Variants in PEAK1 observed in about 807,000 individuals in gnomAD.
PEAK1 encodes the protein inactive tyrosine-protein kinase PEAK1.
PEAK1 carries 54 observed loss-of-function variants against 124.7 expected under a neutral mutation model. The observed-to-expected ratio is 0.43, with a 90% CI of 0.35 to 0.54. PEAK1 has a LOEUF of 0.54. PEAK1 is among the 20% of genes least tolerant of loss of function. PEAK1 has a pLI of 0.01. For missense variants in PEAK1, 2,046 were observed against 2,134.5 expected (o/e 0.96, Z 0.82); for synonymous variants, 719 against 760.0 (o/e 0.95, Z 0.89).
chr15:77,126,555 G>C (rs1194352341), intron 9 of PEAK1, among the ~76,000 whole-genome samples: 1 of 152,084 alleles, frequency 6.6e-6, no homozygotes, highest in African/African-American at 2.4e-5. Flanking sequence ...ATGTTGAGCA[G>C]CAATTTTCCA....
At chr15:77,211,077 AAAGT>A (rs2058882006) in intron 6 of PEAK1, among the ~76,000 whole-genome samples, 1 of 152,202 alleles carries the variant, frequency 6.6e-6, no homozygotes. Flanking sequence ...TTTTGTAAAG[AAAGT>A]TTTATTAAAA....
rs1387122243 is a variant in PEAK1, at chr15:77,208,439, T to G, written c.-114-26399A>C. Among the ~76,000 whole-genome samples the G allele has an allele frequency of 2.0e-5, 3 of 152,178 alleles. No individual in the cohort carries two copies. In the East Asian group the frequency reaches 5.8e-4, roughly 29 times the overall value. On this transcript the variant is annotated intron_variant, in intron 6 of 9. Transcript: ENST00000682557. ...TCCTCTCTGTACTTGACCACTCCCT[T>G]GTCTAGAGTCACTAGTATCTTTGGG...
chr15:77,248,981 G>C (rs977606214), intron 6 of PEAK1, among the ~76,000 whole-genome samples: 1 of 151,902 alleles, frequency 6.6e-6, no homozygotes, highest in African/African-American at 2.4e-5. Flanking sequence ...CACCACTTTC[G>C]GCTAAGTTTT....
intron 8 of PEAK1, among the ~76,000 whole-genome samples, chr15:77,143,733 T>G (rs1351874515): frequency 6.6e-6 from 1 of 152,214 alleles, no homozygotes; most frequent in Non-Finnish European, 1.5e-5. Flanking sequence ...TGACCTTTCT[T>G]GGGCCCTCAG....
intron 2 of PEAK1, among the ~76,000 whole-genome samples, chr15:77,355,082 AG>A (rs2067437073): frequency 1.3e-5 from 2 of 152,066 alleles, no homozygotes; most frequent in Non-Finnish European, 2.9e-5. Context: ...CAAATCTGGC[AG>A]GCAAGTGAAA....
rs542503717 is a variant in PEAK1, at chr15:77,263,225, C to T, written c.-274-10699G>A. ...AAGCAAGAGGAAACACATTCAAAAG[C>T]TAGTAGAAGGCAAGAAATAACTAAG... is the stretch of plus-strand genomic sequence containing the variant. On this transcript the variant is annotated intron_variant, in intron 5 of 9. Coordinates refer to ENST00000682557, the MANE Select transcript of PEAK1 (RefSeq NM_001385026.1). 6.6e-5 allele frequency among the ~76,000 whole-genome samples: 10 copies of T among 152,046 alleles called. No individual in the cohort carries two copies. In the East Asian group the frequency reaches 1.9e-3, roughly 29 times the overall value.
chr15:77,117,552 G>C (rs77952682), intron 9 of PEAK1, among the ~76,000 whole-genome samples: 5 of 152,072 alleles, frequency 3.3e-5, no homozygotes, highest in Admixed American at 2.0e-4. Flanking sequence ...CAGAAAAATA[G>C]ATCTTTATTT....
chr15:77,328,062 A>G (rs1430035297), intron 2 of PEAK1, among the ~76,000 whole-genome samples: 1 of 152,138 alleles, frequency 6.6e-6, no homozygotes, highest in Non-Finnish European at 1.5e-5. Flanking sequence ...CTCTGATCTG[A>G]TAATGGATCC....
chr15:77,151,740 T>G (rs899512746), intron 8 of PEAK1, among the ~76,000 whole-genome samples: 2 of 152,226 alleles, frequency 1.3e-5, no homozygotes, highest in Non-Finnish European at 2.9e-5. Context: ...GCTAGCCAGT[T>G]TTCCCAGCAC....
At chr15:77,241,314 G>A (rs554440380) in intron 6 of PEAK1, among the ~76,000 whole-genome samples, 12 of 152,106 alleles carry the variant, frequency 7.9e-5, no homozygotes, top group Admixed American at 2.0e-4. Context: ...CAGCAAACTG[G>A]AAATAGAAGG....
rs547738422 is a variant in PEAK1 at position 77,152,348 on chromosome 15, G to C, written c.3331+6155C>G. On this transcript the variant is annotated intron_variant, in intron 8 of 9. Coordinates refer to ENST00000682557, the MANE Select transcript of PEAK1 (RefSeq NM_001385026.1). The stretch of plus-strand genomic sequence containing the variant: ...TTTGTACATTGATTTTGTATCCTGA[G>C]ACTTTGCTGAAGTTGCTTATCAGCT... 4.3e-3 allele frequency among the ~76,000 whole-genome samples: 649 copies of C among 152,072 alleles called. 3 individuals carry two copies. Among genetic ancestry groups the C allele is most frequent in the African/African-American group, 0.015 (629 of 41,462 alleles).
chr15:77,371,306 A>G (rs1284656097), intron 1 of PEAK1: 15 of 920,068 alleles, frequency 1.6e-5, no homozygotes, highest in Non-Finnish European at 1.8e-5. Flanking sequence ...CATAATATAT[A>G]TTTCACTGAA....
Position 77,181,919 on chromosome 15 carries a change from G to T in PEAK1, c.8C>A (p.Ala3Asp). ...AACATGTTCAGTAAAGGTGTTACAA[G>T]CAGACATTTTTAAAAATAGAACTTC... MS[A>D]CNTFTEHVWK... Residue 3 changes from alanine to aspartate, a missense_variant, in exon 7 of 10, where the codon GCT (alanine) becomes GAT (aspartate). Coordinates refer to ENST00000682557, the MANE Select transcript of PEAK1 (RefSeq NM_001385026.1). 6.5e-7 allele frequency: 1 copy of T among 1,548,512 alleles called. No individual in the cohort carries two copies. Among genetic ancestry groups the T allele is most frequent in the Non-Finnish European group, 8.7e-7 (1 of 1,149,394 alleles).
chr15:77,207,923 T>G (rs1473753175), intron 6 of PEAK1, among the ~76,000 whole-genome samples: 1 of 152,202 alleles, frequency 6.6e-6, no homozygotes, highest in Non-Finnish European at 1.5e-5. Context: ...ACTCTCACAG[T>G]GCTCCTGCTC....
At chr15:77,403,601 T>C (rs751820168) in intron 1 of PEAK1, 208 of 939,536 alleles carry the variant, frequency 2.2e-4, no homozygotes, top group Admixed American at 4.3e-4. Context: ...TTATTGGATG[T>C]TCATATATCA....
At chr15:77,320,037 C>G (rs2065102063) in intron 2 of PEAK1, among the ~76,000 whole-genome samples, 1 of 152,116 alleles carries the variant, frequency 6.6e-6, no homozygotes, top group African/African-American at 2.4e-5. Context: ...TTGTTTTTCT[C>G]TTAGTAATCA....
intron 2 of PEAK1, among the ~76,000 whole-genome samples, chr15:77,341,248 G>A (rs536213944): frequency 3.3e-5 from 5 of 152,214 alleles, no homozygotes; most frequent in African/African-American, 9.6e-5. Context: ...CACACCGCCT[G>A]TAATCCCAGT....
chr15:77,348,524 A>G, intron 2 of PEAK1: 3 of 965,282 alleles, frequency 3.1e-6, no homozygotes, highest in Non-Finnish European at 3.7e-6. Flanking sequence ...AAACTCCTTT[A>G]TTTTACCTAT....
At chr15:77,380,388 G>A (rs1025650674) in intron 1 of PEAK1, among the ~76,000 whole-genome samples, 1 of 152,180 alleles carries the variant, frequency 6.6e-6, no homozygotes, top group African/African-American at 2.4e-5. Flanking sequence ...TGGAAGGCTG[G>A]ACATAACTGA....
Sources: gnomAD v4.1 joint callset for allele counts (sites outside exome capture counted in the v4.1 genomes callset) on GRCh38, gnomAD v4.1.1 for gene constraint, MANE v1.5 for transcripts, NCBI Gene and HGNC (gene_info 2026-07-23, HGNC 2026-07-21) for gene names.